Variants in GRM7 observed in about 807,000 individuals in gnomAD.
The protein encoded by GRM7 is glutamate metabotropic receptor 7, also known as metabotropic glutamate receptor 7.
Under a neutral mutation model 84.5 loss-of-function variants are expected in GRM7, and 35 were observed. The ratio of observed to expected loss-of-function variants is 0.41; its 90% confidence interval spans 0.32 to 0.55. The LOEUF (loss-of-function observed/expected upper bound fraction) is 0.55. Ranked by LOEUF, GRM7 falls within the 20% of genes least tolerant of loss-of-function variation. The pLI, the probability that GRM7 is intolerant of heterozygous loss-of-function variation, is 0.19. For synonymous variants in GRM7, 487 were observed against 455.1 expected (o/e 1.07, Z -0.89); for missense variants, 1,003 against 1,194.6 (o/e 0.84, Z 2.36).
At chr3:7,275,034 A>T (rs1000855386) in intron 2 of GRM7, among the ~76,000 whole-genome samples, 2 of 152,146 alleles carry the variant, frequency 1.3e-5, no homozygotes, top group African/African-American at 2.4e-5. Flanking sequence ...CTATTGAGAT[A>T]TGCTTACGCT....
At chr3:7,612,024 C>A (rs762935405) in intron 8 of GRM7, among the ~76,000 whole-genome samples, 1 of 152,258 alleles carries the variant, frequency 6.6e-6, no homozygotes, top group East Asian at 1.9e-4. Flanking sequence ...GGTCCTTTAA[C>A]CTCTCAGATT....
rs1695061934 is a variant in GRM7 at position 7,578,324 on chromosome 3, C to T, written c.1516-98C>T. ...GGGTAAACTATTCAACCTCATGCCT[C>T]ATATGTCACTTGCCATGAGTACTGT... On this transcript the variant is annotated intron_variant, in intron 7 of 9. Coordinates refer to ENST00000357716, the MANE Select transcript of GRM7 (RefSeq NM_000844.4). 6.7e-6 allele frequency: 5 copies of T among 742,392 alleles called. No homozygotes were observed. In the South Asian group the frequency reaches 9.2e-5, roughly 14 times the overall value. 46.0% of individuals were successfully genotyped at this position (742,392 alleles called of 1,614,324 possible). A position where few individuals can be genotyped will look rare whatever the true frequency, so the allele number is the denominator to read the frequency against.
At chr3:7,450,622 A>G (rs572775813) in intron 5 of GRM7, among the ~76,000 whole-genome samples, 1 of 152,170 alleles carries the variant, frequency 6.6e-6, no homozygotes, top group African/African-American at 2.4e-5. Flanking sequence ...GAGAGAAAGG[A>G]AGTAGAGATT....
At chr3:7,131,726 C>T (rs1273160010) in intron 1 of GRM7, among the ~76,000 whole-genome samples, 1 of 152,118 alleles carries the variant, frequency 6.6e-6, no homozygotes, top group East Asian at 1.9e-4. Flanking sequence ...ATCCACCCGT[C>T]TCGGCCTCCC....
chr3:7,546,407 C>T (rs1487702933), intron 7 of GRM7, among the ~76,000 whole-genome samples: 1 of 152,170 alleles, frequency 6.6e-6, no homozygotes, highest in Admixed American at 6.5e-5. Context: ...AGTCTCTGGC[C>T]GAACTTACCC....
chr3:6,980,577 A>G (rs1197634872), intron 1 of GRM7, among the ~76,000 whole-genome samples: 1 of 152,178 alleles, frequency 6.6e-6, no homozygotes, highest in African/African-American at 2.4e-5. Context: ...CTGTTTTCTT[A>G]TAAGGATATT....
chr3:6,882,015 G>A (rs1310193242), intron 1 of GRM7, among the ~76,000 whole-genome samples: 1 of 150,880 alleles, frequency 6.6e-6, no homozygotes, highest in Middle Eastern at 3.5e-3. Flanking sequence ...TCCAACTGTG[G>A]TTCACTGTTA....
intron 4 of GRM7, among the ~76,000 whole-genome samples, chr3:7,371,199 T>C (rs1339113304): frequency 1.3e-5 from 2 of 152,094 alleles, no homozygotes; most frequent in Non-Finnish European, 2.9e-5. Context: ...TAGAGTGACG[T>C]AGAAGAAAAG....
At chr3:7,114,361 A>G (rs1191352662) in intron 1 of GRM7, among the ~76,000 whole-genome samples, 3 of 152,154 alleles carry the variant, frequency 2.0e-5, no homozygotes, top group African/African-American at 4.8e-5. Flanking sequence ...AATAATAATC[A>G]TTATAAAATA....
At chr3:7,679,952 C>T in intron 8 of GRM7, 97 bp from the exon 9 acceptor site, 1 of 1,133,466 alleles carries the variant, frequency 8.8e-7, no homozygotes, top group Non-Finnish European at 1.3e-6. Context: ...ATTGCTTTAT[C>T]TCCTAGCCAT....
intron 1 of GRM7, among the ~76,000 whole-genome samples, chr3:7,076,125 G>T (rs1358269457): frequency 6.6e-6 from 1 of 152,068 alleles, no homozygotes; most frequent in Non-Finnish European, 1.5e-5. Context: ...GCAAATATGG[G>T]TTATTTCCTC....
intron 1 of GRM7, among the ~76,000 whole-genome samples, chr3:6,871,717 T>G (rs984194347): frequency 3.9e-5 from 6 of 152,144 alleles, no homozygotes; most frequent in African/African-American, 7.2e-5. Context: ...ATGATTTTAT[T>G]TTAACACTAT....
At chr3:7,112,071 C>A (rs1337934273) in intron 1 of GRM7, among the ~76,000 whole-genome samples, 2 of 152,154 alleles carry the variant, frequency 1.3e-5, no homozygotes, top group Admixed American at 1.3e-4. Context: ...TTTTTCAGAG[C>A]TGTTAACACT....
rs532021266 is a variant in GRM7 at position 7,317,415 on chromosome 3, G to C, written c.1033+10763G>C. Among the ~76,000 whole-genome samples, 6 of 152,076 alleles carry C rather than the reference G, an allele frequency of 3.9e-5. No individual in the cohort carries two copies. In the South Asian group the frequency reaches 1.2e-3, roughly 31 times the overall value. On this transcript the variant is annotated intron_variant, in intron 4 of 9. Coordinates refer to ENST00000357716, the MANE Select transcript of GRM7 (RefSeq NM_000844.4). ...ATAATACTGTCCTCTAGAATACCAA[G>C]TTGATTTTGCATATGAGGTCATGTT...
chr3:6,924,230 G>T (rs556219941), intron 1 of GRM7, among the ~76,000 whole-genome samples: 2 of 152,132 alleles, frequency 1.3e-5, no homozygotes, highest in African/African-American at 4.8e-5. Flanking sequence ...GCAATGGTCC[G>T]TTTGAAAATA....
rs79632543 is a variant in GRM7, at chr3:7,483,758, T to C, written c.1515+22036T>C. On this transcript the variant is annotated intron_variant, in intron 7 of 9. Coordinates refer to ENST00000357716, the MANE Select transcript of GRM7 (RefSeq NM_000844.4). ...TATTATTCCAGATGAGAGATAGATA[T>C]AGATAGATATGATTATGTATCTGTA... Among the ~76,000 whole-genome samples, 47 of 152,150 alleles carry C rather than the reference T, an allele frequency of 3.1e-4. No homozygotes were observed. In the East Asian group the frequency reaches 7.7e-3, roughly 25 times the overall value.
chr3:7,470,107 T>C (rs1465301093), intron 7 of GRM7, among the ~76,000 whole-genome samples: 1 of 152,196 alleles, frequency 6.6e-6, no homozygotes, highest in Non-Finnish European at 1.5e-5. Context: ...ATCCCCCTCC[T>C]CCTACCACTC....
chr3:7,093,044 C>T (rs993254339), intron 1 of GRM7, among the ~76,000 whole-genome samples: 5 of 152,068 alleles, frequency 3.3e-5, no homozygotes, highest in African/African-American at 9.7e-5. Context: ...GATTGGGTAA[C>T]AGAACAAGAC....
chr3:7,339,059 A>G (rs1322596641), intron 4 of GRM7, among the ~76,000 whole-genome samples: 3 of 152,132 alleles, frequency 2.0e-5, no homozygotes, highest in Non-Finnish European at 2.9e-5. Context: ...ACAAAGTATT[A>G]TATTTAGCAA....
Sources: gnomAD v4.1 joint callset for allele counts (sites outside exome capture counted in the v4.1 genomes callset) on GRCh38, gnomAD v4.1.1 for gene constraint, MANE v1.5 for transcripts, NCBI Gene and HGNC (gene_info 2026-07-23, HGNC 2026-07-21) for gene names.